ADGRB3: variants seen among roughly 807,000 people sequenced by gnomAD.
ADGRB3 encodes the protein brain-specific angiogenesis inhibitor 3.
Under a neutral mutation model 193.4 loss-of-function variants are expected in ADGRB3, and 37 were observed. The ratio of observed to expected loss-of-function variants is 0.19; its 90% CI spans 0.15 to 0.25. The LOEUF is 0.25. Among genes scored for constraint, ADGRB3 ranks in the 10% least tolerant of loss-of-function variants. ADGRB3 has a pLI of 1.00. For missense variants in ADGRB3, 1,637 were observed against 1,852.9 expected, an observed-to-expected ratio of 0.88 and a Z score of 2.14; for synonymous variants, 690 against 644.2, an observed-to-expected ratio of 1.07 and a Z score of -1.08.
At position 68,669,279 on chromosome 6, in the gene ADGRB3, T is replaced by C. The variant is rs567455394; in HGVS notation, c.757+29847T>C. 2.6e-5 allele frequency among the ~76,000 whole-genome samples: 4 copies of C among 152,044 alleles called. No individual in the cohort carries two copies. The South Asian group carries it at 8.3e-4, about 32-fold the overall frequency. ...AATGTACAATGAAATTATTATTGAC[T>C]ACAATTACCCTGTTGTGCTATTTTA... On this transcript the variant is annotated intron_variant, in intron 3 of 31. Transcript: ENST00000370598.
chr6:69,264,094 C>T (rs1223194635), intron 20 of ADGRB3, among the ~76,000 whole-genome samples: 1 of 151,882 alleles, frequency 6.6e-6, no homozygotes, highest in Non-Finnish European at 1.5e-5. Flanking sequence ...TTATTCACTC[C>T]TTATCCTCAT....
intron 3 of ADGRB3, among the ~76,000 whole-genome samples, chr6:68,800,601 T>C (rs1399003365): frequency 6.6e-6 from 1 of 152,096 alleles, no homozygotes; most frequent in African/African-American, 2.4e-5. Flanking sequence ...TGGAAGAGAT[T>C]GCAGGGGAAA....
intron 11 of ADGRB3, among the ~76,000 whole-genome samples, chr6:68,995,708 T>A (rs377493746): frequency 1.1e-3 from 170 of 152,250 alleles, no homozygotes; most frequent in African/African-American, 3.7e-3. Context: ...GCAGCTGCAT[T>A]TTCCTATGTC....
At chr6:69,132,789 A>G (rs1251187432) in intron 17 of ADGRB3, among the ~76,000 whole-genome samples, 1 of 152,056 alleles carries the variant, frequency 6.6e-6, no homozygotes, top group Non-Finnish European at 1.5e-5. Context: ...ATACACCTTG[A>G]GTTAATTTTT....
intron 3 of ADGRB3, among the ~76,000 whole-genome samples, chr6:68,746,877 C>G (rs1002370487): frequency 1.3e-5 from 2 of 152,030 alleles, no homozygotes; most frequent in Non-Finnish European, 2.9e-5. Context: ...CATTTGCTTT[C>G]CCTTGTGGTT....
At chr6:68,903,871 G>A (rs1198074064) in intron 3 of ADGRB3, among the ~76,000 whole-genome samples, 1 of 151,448 alleles carries the variant, frequency 6.6e-6, no homozygotes, top group African/African-American at 2.4e-5. Flanking sequence ...GGTGGTGCAT[G>A]CCCATAATCT....
chr6:69,016,785 T>G (rs1413156099), intron 12 of ADGRB3, among the ~76,000 whole-genome samples: 1 of 151,926 alleles, frequency 6.6e-6, no homozygotes, highest in Non-Finnish European at 1.5e-5. Context: ...ATTACTAGTT[T>G]TCCAAAAGTA....
chr6:69,086,187 T>TA (rs1436756580), intron 17 of ADGRB3, among the ~76,000 whole-genome samples: 1 of 152,126 alleles, frequency 6.6e-6, no homozygotes, highest in Non-Finnish European at 1.5e-5. Flanking sequence ...ACATGGTCTA[T>TA]AAAAAAGTAA....
intron 3 of ADGRB3, among the ~76,000 whole-genome samples, chr6:68,883,518 ACACT>A (rs1765799023): frequency 6.6e-6 from 1 of 152,204 alleles, no homozygotes; most frequent in Non-Finnish European, 1.5e-5. Flanking sequence ...ATGAGCTGTA[ACACT>A]CACCACAAAG....
At chr6:68,889,880 T>C (rs1413861337) in intron 3 of ADGRB3, among the ~76,000 whole-genome samples, 1 of 152,074 alleles carries the variant, frequency 6.6e-6, no homozygotes, top group Non-Finnish European at 1.5e-5. Flanking sequence ...TAACCAAAAA[T>C]TGTGAAGTAC....
intron 21 of ADGRB3, among the ~76,000 whole-genome samples, chr6:69,327,215 G>T (rs989218008): frequency 6.6e-6 from 1 of 152,128 alleles, no homozygotes; most frequent in Non-Finnish European, 1.5e-5. Context: ...TATTGAACTT[G>T]AATGAGGTAA....
At chr6:68,692,752 T>C (rs978720046) in intron 3 of ADGRB3, among the ~76,000 whole-genome samples, 1 of 151,476 alleles carries the variant, frequency 6.6e-6, no homozygotes, top group South Asian at 2.1e-4. Context: ...TATAAAATTA[T>C]ATTTCTTCAT....
At chr6:69,047,379 T>G (rs968719798) in intron 13 of ADGRB3, among the ~76,000 whole-genome samples, 6 of 150,716 alleles carry the variant, frequency 4.0e-5, no homozygotes, top group Non-Finnish European at 7.4e-5. Context: ...TAAATTTATA[T>G]GTAATATAAA....
At chr6:69,047,441 TATC>T (rs781760296) in intron 13 of ADGRB3, among the ~76,000 whole-genome samples, 63 of 150,762 alleles carry the variant, frequency 4.2e-4, no homozygotes, top group Non-Finnish European at 6.1e-4. Flanking sequence ...TTACTAAACT[TATC>T]ATTCATACAT....
At chr6:68,845,875 A>G (rs898572100) in intron 3 of ADGRB3, among the ~76,000 whole-genome samples, 1 of 152,164 alleles carries the variant, frequency 6.6e-6, no homozygotes, top group African/African-American at 2.4e-5. Context: ...CAAAATGTGG[A>G]ACTGACTTTG....
intron 3 of ADGRB3, among the ~76,000 whole-genome samples, chr6:68,799,711 A>G (rs1435899310): frequency 2.0e-5 from 3 of 152,214 alleles, no homozygotes; most frequent in Non-Finnish European, 4.4e-5. Context: ...GGCCATGGTT[A>G]AAAAAGATCC....
intron 3 of ADGRB3, among the ~76,000 whole-genome samples, chr6:68,798,625 A>G (rs1253434685): frequency 2.6e-5 from 4 of 152,190 alleles, no homozygotes; most frequent in Admixed American, 2.6e-4. Flanking sequence ...TGGCACATGT[A>G]TACCTATGTA....
chr6:68,745,030 G>A (rs575521193), intron 3 of ADGRB3, among the ~76,000 whole-genome samples: 21 of 152,080 alleles, frequency 1.4e-4, no homozygotes, highest in Non-Finnish European at 2.8e-4. Context: ...ATTACCTATA[G>A]CCTGTGGGTG....
At chr6:68,832,650 C>T (rs1767977725) in intron 3 of ADGRB3, among the ~76,000 whole-genome samples, 1 of 152,038 alleles carries the variant, frequency 6.6e-6, no homozygotes, top group Non-Finnish European at 1.5e-5. Context: ...GAGTATGATA[C>T]TAGAAAGATC....
Sources: gnomAD v4.1 joint callset for allele counts (sites outside exome capture counted in the v4.1 genomes callset) on GRCh38, gnomAD v4.1.1 for gene constraint, MANE v1.5 for transcripts, NCBI Gene and HGNC (gene_info 2026-07-23, HGNC 2026-07-21) for gene names.